Variants in KCND2 observed in about 807,000 individuals in gnomAD.
KCND2 encodes the protein potassium voltage-gated channel subfamily D member 2, also known as A-type voltage-gated potassium channel KCND2.
In KCND2, 16 loss-of-function variants were observed where a neutral mutation model predicts 54.4. The ratio of observed to expected loss-of-function variants is 0.29; its 90% CI spans 0.20 to 0.45. The LOEUF (loss-of-function observed/expected upper bound fraction) is 0.45. KCND2 is among the 20% of genes least tolerant of loss of function. The probability of loss-of-function intolerance (pLI) is 1.00; values close to 1 mark genes in which losing one functional copy is unlikely to be tolerated. For missense variants in KCND2, 486 were observed against 824.2 expected, an observed-to-expected ratio of 0.59 and a Z score of 5.02; for synonymous variants, 317 against 310.7, an observed-to-expected ratio of 1.02 and a Z score of -0.21.
At chr7:120,399,084 A>G (rs1233771321) in intron 1 of KCND2, among the ~76,000 whole-genome samples, 1 of 151,902 alleles carries the variant, frequency 6.6e-6, no homozygotes, top group Admixed American at 6.6e-5. Flanking sequence ...TATAATACGT[A>G]TGTCTTTGTC....
chr7:120,572,578 C>T (rs375060086), intron 1 of KCND2, among the ~76,000 whole-genome samples: 6 of 152,166 alleles, frequency 3.9e-5, no homozygotes, highest in African/African-American at 7.2e-5. Context: ...AGTTCAGTGG[C>T]GTGATCTTGG....
chr7:120,679,351 T>C (rs193147800), intron 1 of KCND2, among the ~76,000 whole-genome samples: 1 of 152,130 alleles, frequency 6.6e-6, no homozygotes, highest in East Asian at 1.9e-4. Flanking sequence ...TAATAACTAC[T>C]TTTTAATGGA....
intron 1 of KCND2, among the ~76,000 whole-genome samples, chr7:120,686,724 T>A (rs935224775): frequency 6.6e-6 from 1 of 152,082 alleles, no homozygotes; most frequent in Non-Finnish European, 1.5e-5. Flanking sequence ...GCACAGGGTG[T>A]TTACTGGAGT....
intron 1 of KCND2, among the ~76,000 whole-genome samples, chr7:120,321,416 G>A (rs1401707710): frequency 6.6e-6 from 1 of 152,084 alleles, no homozygotes; most frequent in Non-Finnish European, 1.5e-5. Context: ...TTATAGGCAT[G>A]AGCCACTGCT....
intron 1 of KCND2, among the ~76,000 whole-genome samples, chr7:120,283,704 C>T (rs1334795881): frequency 6.6e-6 from 1 of 152,098 alleles, no homozygotes; most frequent in Admixed American, 6.6e-5. Context: ...TATAGATTTG[C>T]ATACTTAATA....
intron 1 of KCND2, among the ~76,000 whole-genome samples, chr7:120,565,263 C>G (rs1188654998): frequency 6.6e-6 from 1 of 152,094 alleles, no homozygotes; most frequent in Non-Finnish European, 1.5e-5. Flanking sequence ...GACAAGGCAT[C>G]TAATGGCTGT....
intron 1 of KCND2, among the ~76,000 whole-genome samples, chr7:120,589,773 T>C (rs963323612): frequency 3.9e-5 from 6 of 152,196 alleles, no homozygotes; most frequent in Non-Finnish European, 7.3e-5. Context: ...GACTGAGACT[T>C]TGGGCAAGTC....
At chr7:120,309,699 T>G (rs924321294) in intron 1 of KCND2, among the ~76,000 whole-genome samples, 1 of 151,922 alleles carries the variant, frequency 6.6e-6, no homozygotes, top group Non-Finnish European at 1.5e-5. Flanking sequence ...ACTTCTATCT[T>G]CAGATATCTT....
chr7:120,446,764 G>A (rs774531392), intron 1 of KCND2, among the ~76,000 whole-genome samples: 9 of 152,162 alleles, frequency 5.9e-5, no homozygotes, highest in East Asian at 1.9e-4. Flanking sequence ...AGGGGAAGGC[G>A]GATGGCAGAG....
At chr7:120,366,529 G>T (rs1217411176) in intron 1 of KCND2, among the ~76,000 whole-genome samples, 1 of 141,376 alleles carries the variant, frequency 7.1e-6, no homozygotes, top group East Asian at 2.0e-4. Flanking sequence ...AAGGAAGGAA[G>T]GAGAGAGGGA....
intron 1 of KCND2, among the ~76,000 whole-genome samples, chr7:120,601,096 C>G (rs1792808031): frequency 6.6e-6 from 1 of 151,984 alleles, no homozygotes. Context: ...AACCCTTATG[C>G]TAGGTGCTGA....
intron 5 of KCND2, 151 bp from the exon 6 acceptor site, chr7:120,747,530 A>G (rs1259410621): frequency 6.5e-6 from 4 of 614,492 alleles, no homozygotes; most frequent in Non-Finnish European, 5.7e-6. Context: ...TTTAACATAG[A>G]TTAAGATTTG....
At chr7:120,381,186 T>G (rs1418037881) in intron 1 of KCND2, among the ~76,000 whole-genome samples, 1 of 151,876 alleles carries the variant, frequency 6.6e-6, no homozygotes, top group South Asian at 2.1e-4. Flanking sequence ...ACCCAGGAGG[T>G]GGAGGTTGCA....
intron 1 of KCND2, among the ~76,000 whole-genome samples, chr7:120,393,830 T>C (rs552142833): frequency 2.2e-4 from 33 of 152,116 alleles, no homozygotes; most frequent in Non-Finnish European, 4.6e-4. Flanking sequence ...GCAGTTCTAT[T>C]GTGTGTAGCA....
intron 1 of KCND2, among the ~76,000 whole-genome samples, chr7:120,573,589 A>G (rs975440498): frequency 2.6e-5 from 4 of 152,212 alleles, no homozygotes; most frequent in African/African-American, 9.7e-5. Context: ...AACATTTTTC[A>G]TAACAAGTGA....
At chr7:120,470,089 A>T (rs1484028725) in intron 1 of KCND2, among the ~76,000 whole-genome samples, 1 of 152,088 alleles carries the variant, frequency 6.6e-6, no homozygotes, top group African/African-American at 2.4e-5. Context: ...ATGATATCTA[A>T]AATTGCTTTC....
chr7:120,431,536 C>T (rs901844440), intron 1 of KCND2, among the ~76,000 whole-genome samples: 3 of 152,168 alleles, frequency 2.0e-5, no homozygotes, highest in African/African-American at 7.2e-5. Context: ...GAATTCTCCA[C>T]ACGTGCCTTT....
intron 1 of KCND2, among the ~76,000 whole-genome samples, chr7:120,724,648 A>G (rs747657028): frequency 6.6e-6 from 1 of 152,136 alleles, no homozygotes; most frequent in Non-Finnish European, 1.5e-5. Context: ...TTTATGCAGG[A>G]GAATGACATG....
intron 1 of KCND2, among the ~76,000 whole-genome samples, chr7:120,626,511 G>A (rs1361033306): frequency 6.6e-6 from 1 of 152,154 alleles, no homozygotes; most frequent in African/African-American, 2.4e-5. Context: ...GGTCATGGAT[G>A]TGTGGCTGTA....
Sources: allele counts gnomAD v4.1 joint callset (sites outside exome capture counted in the v4.1 genomes callset), GRCh38; gene constraint gnomAD v4.1.1; transcripts MANE v1.5; gene names NCBI Gene and HGNC (gene_info 2026-07-23, HGNC 2026-07-21).